DEPDC1B: variants seen among roughly 807,000 people sequenced by gnomAD.
The protein encoded by DEPDC1B is DEP domain-containing protein 1B.
Under a neutral mutation model 66.5 loss-of-function variants are expected in DEPDC1B, and 51 were observed. The ratio of observed to expected loss-of-function variants is 0.77; its 90% CI spans 0.61 to 0.97. DEPDC1B has a LOEUF of 0.97. DEPDC1B is among the 50% of genes least tolerant of loss of function. The pLI is 0.00. For missense variants in DEPDC1B, 552 were observed against 637.1 expected (o/e 0.87, Z 1.44); for synonymous variants, 226 against 223.6 (o/e 1.01, Z -0.10).
chr5:60,671,188 A>C (rs1188247553), intron 2 of DEPDC1B, among the ~76,000 whole-genome samples: 1 of 152,182 alleles, frequency 6.6e-6, no homozygotes, highest in Non-Finnish European at 1.5e-5. Context: ...ATGAAGAGTC[A>C]AGGAGGGAGA....
At chr5:60,626,406 A>G (rs989676837) in intron 7 of DEPDC1B, among the ~76,000 whole-genome samples, 1 of 152,154 alleles carries the variant, frequency 6.6e-6, no homozygotes, top group African/African-American at 2.4e-5. Context: ...CTGTGTGAAC[A>G]TATGTTCTCA....
intron 2 of DEPDC1B, among the ~76,000 whole-genome samples, chr5:60,683,853 A>G (rs1754352434): frequency 6.6e-6 from 1 of 152,214 alleles, no homozygotes; most frequent in African/African-American, 2.4e-5. Context: ...ACTTATATAG[A>G]GAAAATCCTA....
At position 60,597,760 on chromosome 5, in the gene DEPDC1B, C is replaced by G. The variant is rs752619351; in HGVS notation, c.1583G>C (p.Arg528Pro). ...FQPFQRTRSF[R>P]M ...GTTGCTGTGGAAGTATTATTACATT[C>G]GAAAACTTCTAGTTCTTTGAAATGG... Residue 528 changes from arginine to proline, a missense_variant, in exon 11 of 11, where the codon CGA becomes CCA. By Grantham distance (103) the Arg-to-Pro change is moderately radical (BLOSUM62 -2). Coordinates refer to ENST00000265036, the MANE Select transcript of DEPDC1B (RefSeq NM_018369.3). The G allele has an allele frequency of 6.2e-7, 1 of 1,612,340 alleles. No homozygotes were observed. The highest frequency in any genetic ancestry group is 1.1e-5 in the South Asian group (1 of 90,774).
At chr5:60,656,682 A>G (rs1584071876) in intron 2 of DEPDC1B, among the ~76,000 whole-genome samples, 1 of 152,208 alleles carries the variant, frequency 6.6e-6, no homozygotes, top group East Asian at 1.9e-4. Context: ...CCTTCTTCAC[A>G]AGGCAGCAGG....
chr5:60,607,627 T>A (rs1216560364), intron 7 of DEPDC1B, among the ~76,000 whole-genome samples: 2 of 151,922 alleles, frequency 1.3e-5, no homozygotes, highest in Admixed American at 6.6e-5. Flanking sequence ...GGCAGAAAGA[T>A]GCTATGGAGA....
chr5:60,644,817 T>C lies in DEPDC1B; in HGVS notation c.637A>G (p.Asn213Asp). ...ACATTATGGATGATGAACTTCGAAT[T>C]GACAAGTTTGACGTCTAAAACTTCT... ...LEEVLDVKLVNSKFIIHNVYS... is the reference protein window; with the variant it reads ...LEEVLDVKLVDSKFIIHNVYS... The change falls in exon 5 of 11, where the codon AAT becomes GAT. Residue 213 changes from asparagine to aspartate, a missense_variant. Asn to Asp is a conservative substitution (Grantham distance 23). Transcript: ENST00000265036. The C allele has an allele frequency of 6.2e-7, 1 of 1,611,660 alleles. No individual in the cohort carries two copies. Among genetic ancestry groups the C allele is most frequent in the Non-Finnish European group, 8.5e-7 (1 of 1,178,696 alleles).
intron 2 of DEPDC1B, among the ~76,000 whole-genome samples, chr5:60,657,829 G>A (rs1403429058): frequency 1.3e-5 from 2 of 152,172 alleles, no homozygotes; most frequent in Non-Finnish European, 2.9e-5. Flanking sequence ...GTATTTGGAT[G>A]TCTAGATCTC....
chr5:60,647,573 G>A, intron 2 of DEPDC1B, 40 bp from the exon 3 acceptor site: 4 of 1,589,202 alleles, frequency 2.5e-6, no homozygotes, highest in Non-Finnish European at 2.6e-6. Context: ...TGCAGTCAGT[G>A]GGAGACACAG....
intron 2 of DEPDC1B, among the ~76,000 whole-genome samples, chr5:60,653,347 G>A (rs1008586625): frequency 6.0e-5 from 8 of 133,624 alleles, no homozygotes; most frequent in Non-Finnish European, 1.2e-4. Flanking sequence ...TTCCCTCATC[G>A]TTAGTAATGT....
chr5:60,649,822 T>C (rs1753402461), intron 2 of DEPDC1B, among the ~76,000 whole-genome samples: 1 of 152,028 alleles, frequency 6.6e-6, no homozygotes, highest in South Asian at 2.1e-4. Context: ...AAGAACTAAA[T>C]TGATAGCTAT....
intron 7 of DEPDC1B, among the ~76,000 whole-genome samples, chr5:60,624,139 TACCCTTG>T (rs1291323271): frequency 1.3e-5 from 2 of 152,194 alleles, no homozygotes; most frequent in Non-Finnish European, 2.9e-5. Context: ...TTCTCACAGG[TACCCTTG>T]ATAAGGCTGA....
rs369344524 is a variant in DEPDC1B at position 60,599,235 on chromosome 5, T to C, written c.1268A>G (p.Asp423Gly). Residue 423 changes from aspartate to glycine, a missense_variant, in exon 10 of 11, where the codon GAT becomes GGT. Transcript: ENST00000265036. ...AAATGATGGAGCAGATAAAGTGATA[T>C]CCATATCAGCTCCTGGGTATTTTAT... Reference protein sequence around the residue: ...VQIKYPGADMDITLSAPSFCR... With the variant: ...VQIKYPGADMGITLSAPSFCR... 65 of 1,607,190 alleles carry C rather than the reference T, an allele frequency of 4.0e-5. No individual in the cohort carries two copies. The highest frequency in any genetic ancestry group is 5.5e-5 in the Non-Finnish European group (65 of 1,178,000).
At chr5:60,689,070 A>AGGAATGGGGAAAACAT (rs1561394593) in intron 1 of DEPDC1B, 3 of 455,914 alleles carry the variant, frequency 6.6e-6, no homozygotes, top group Non-Finnish European at 1.3e-5. Flanking sequence ...GGGGAAAACA[A>AGGAATGGGGAAAACAT]GAGGTATGGA....
intron 2 of DEPDC1B, among the ~76,000 whole-genome samples, chr5:60,681,725 C>G (rs1296444615): frequency 6.6e-6 from 1 of 151,638 alleles, no homozygotes; most frequent in East Asian, 1.9e-4. Flanking sequence ...CAATAAGATA[C>G]AAAATAACAC....
At chr5:60,618,815 GC>G (rs2111774385) in intron 7 of DEPDC1B, among the ~76,000 whole-genome samples, 1 of 152,246 alleles carries the variant, frequency 6.6e-6, no homozygotes, top group East Asian at 1.9e-4. Context: ...TGATACCAAA[GC>G]CTGGCAGAGA....
intron 2 of DEPDC1B, among the ~76,000 whole-genome samples, chr5:60,683,304 C>T (rs796719049): frequency 6.6e-5 from 10 of 152,164 alleles, no homozygotes; most frequent in South Asian, 4.1e-4. Context: ...ATGTGGCGTG[C>T]GCTTGTAGTC....
chr5:60,657,463 C>T (rs1410984376), intron 2 of DEPDC1B, among the ~76,000 whole-genome samples: 1 of 152,066 alleles, frequency 6.6e-6, no homozygotes, highest in Non-Finnish European at 1.5e-5. Flanking sequence ...ATTTAGAGCT[C>T]CTTTTAGCAG....
chr5:60,653,696 T>TA (rs1388506875), intron 2 of DEPDC1B, among the ~76,000 whole-genome samples: 2 of 152,168 alleles, frequency 1.3e-5, no homozygotes, highest in African/African-American at 4.8e-5. Context: ...AGCCAATATC[T>TA]AGAAGGGTTT....
chr5:60,599,594 C>A lies in DEPDC1B; in HGVS notation c.1243-334G>T, dbSNP rs143105792. On this transcript the variant is annotated intron_variant, in intron 9 of 10. Transcript: ENST00000265036. ...CAGCACTGTGACATGCTCGTGATGG[C>A]CTTGATGCCCATGCTGGAAGGTTGT... Among the ~76,000 whole-genome samples, 344 of 152,294 alleles carry A rather than the reference C, an allele frequency of 2.3e-3. 3 individuals are homozygous for A. The highest frequency in any genetic ancestry group is 7.8e-3 in the African/African-American group (323 of 41,566).
Sources: allele counts gnomAD v4.1 joint callset (sites outside exome capture counted in the v4.1 genomes callset), GRCh38; gene constraint gnomAD v4.1.1; transcripts MANE v1.5; gene names NCBI Gene and HGNC (gene_info 2026-07-23, HGNC 2026-07-21).